PTPRD: variants seen among roughly 807,000 people sequenced by gnomAD.
PTPRD encodes the protein protein tyrosine phosphatase receptor type D.
A neutral mutation model predicts 214.5 loss-of-function variants in PTPRD; 34 were observed. That is an observed-to-expected ratio of 0.16 (90% confidence interval 0.12 to 0.21). PTPRD has a LOEUF of 0.21. Among genes scored for constraint, PTPRD ranks in the 10% least tolerant of loss-of-function variants. The probability of loss-of-function intolerance (pLI) is 1.00; values close to 1 mark genes in which losing one functional copy is unlikely to be tolerated. For synonymous variants in PTPRD, 1,128 were observed against 845.7 expected, an observed-to-expected ratio of 1.33 and a Z score of -5.79; for missense variants, 2,545 against 2,398.7, an observed-to-expected ratio of 1.06 and a Z score of -1.27.
chr9:10,145,361 C>T (rs1043766126), intron 3 of PTPRD, among the ~76,000 whole-genome samples: 6 of 152,080 alleles, frequency 3.9e-5, no homozygotes, highest in African/African-American at 1.4e-4. Flanking sequence ...TACCAGGACC[C>T]ACCTCCCCTC....
intron 10 of PTPRD, among the ~76,000 whole-genome samples, chr9:9,114,527 A>G (rs1396232866): frequency 1.3e-5 from 2 of 152,040 alleles, no homozygotes; most frequent in Non-Finnish European, 2.9e-5. Flanking sequence ...ACACTTTTTA[A>G]CCACATCAAC....
chr9:9,723,254 C>T lies in PTPRD; in HGVS notation c.-287+11279G>A, dbSNP rs546811872. Among the ~76,000 whole-genome samples, 13 of 152,122 alleles carry T rather than the reference C, an allele frequency of 8.5e-5. No homozygotes were observed. The East Asian group carries it at 2.5e-3, about 29-fold the overall frequency. ...TAAGACTATCCAGTTGTCTCAGCACCATTTGCTGGGAATAAAATATTACTT... is the reference window on the plus strand; with the variant it reads ...TAAGACTATCCAGTTGTCTCAGCACTATTTGCTGGGAATAAAATATTACTT... On this transcript the variant is annotated intron_variant, in intron 7 of 45. Coordinates refer to ENST00000381196, the MANE Select transcript of PTPRD (RefSeq NM_002839.4).
intron 7 of PTPRD, among the ~76,000 whole-genome samples, chr9:9,734,155 T>G (rs567091293): frequency 5.9e-5 from 9 of 152,208 alleles, no homozygotes; most frequent in Non-Finnish European, 8.8e-5. Context: ...CAGCTCATCT[T>G]TGGTTTTTAT....
rs115423217 is a variant in PTPRD, at chr9:10,594,759, G to C, written c.-600+17639C>G. 2.6e-5 allele frequency among the ~76,000 whole-genome samples: 4 copies of C among 151,940 alleles called. No homozygotes were observed. The East Asian group carries it at 5.8e-4, about 22-fold the overall frequency. ...ATGAGGTGTCACAAGAAATCTACTG[G>C]TTCAAAGGTGTGTGGTAGGGGCAGC... On this transcript the variant is annotated intron_variant, in intron 2 of 45. Transcript: ENST00000381196.
intron 2 of PTPRD, among the ~76,000 whole-genome samples, chr9:10,406,375 G>A (rs1015143676): frequency 3.3e-5 from 5 of 151,368 alleles, no homozygotes; most frequent in South Asian, 4.1e-4. Flanking sequence ...AATAACAAAC[G>A]AAAATTGAAG....
intron 9 of PTPRD, among the ~76,000 whole-genome samples, chr9:9,204,684 G>A (rs1008496889): frequency 2.6e-5 from 4 of 152,128 alleles, no homozygotes; most frequent in Non-Finnish European, 4.4e-5. Flanking sequence ...TGATGGTCCT[G>A]TTAAATGCAA....
intron 9 of PTPRD, among the ~76,000 whole-genome samples, chr9:9,245,332 C>T (rs139752893): frequency 1.2e-3 from 190 of 152,116 alleles, no homozygotes; most frequent in African/African-American, 4.3e-3. Flanking sequence ...ATGTTTATTG[C>T]GGCACTATTC....
intron 11 of PTPRD, among the ~76,000 whole-genome samples, chr9:8,936,427 C>CAAA (rs1181403459): frequency 1.6e-3 from 52 of 31,522 alleles, no homozygotes; most frequent in South Asian, 0.01. Context: ...ACCCTGCCTC[C>CAAA]AAAAAAAAAA....
intron 8 of PTPRD, among the ~76,000 whole-genome samples, chr9:9,525,885 T>C (rs1488226748): frequency 3.3e-5 from 5 of 152,012 alleles, no homozygotes; most frequent in Admixed American, 2.6e-4. Context: ...TAGGTATTCA[T>C]CCATGTAAGC....
At chr9:10,612,368 A>T (rs1054674055) in intron 2 of PTPRD, 30 bp downstream of exon 2, 13 of 151,094 alleles carry the variant, frequency 8.6e-5, no homozygotes, top group Admixed American at 7.2e-4. Flanking sequence ...CACTTTAGAG[A>T]AAAGAAAGAC....
At chr9:8,670,286 T>G (rs1055261421) in intron 12 of PTPRD, among the ~76,000 whole-genome samples, 5 of 152,086 alleles carry the variant, frequency 3.3e-5, no homozygotes, top group Non-Finnish European at 7.4e-5. Flanking sequence ...TTGTATCCTC[T>G]TGACCTATAT....
intron 5 of PTPRD, among the ~76,000 whole-genome samples, chr9:9,851,637 G>A (rs2060567474): frequency 6.6e-6 from 1 of 152,146 alleles, no homozygotes; most frequent in African/African-American, 2.4e-5. Context: ...TGGGTTAGCT[G>A]GGCGTTGTGG....
At chr9:10,210,635 A>T (rs2099511223) in intron 3 of PTPRD, among the ~76,000 whole-genome samples, 1 of 150,374 alleles carries the variant, frequency 6.7e-6, no homozygotes, top group Non-Finnish European at 1.5e-5. Context: ...TGTAATCTGT[A>T]TATATACATA....
chr9:8,581,464 C>T (rs531075075), intron 14 of PTPRD, among the ~76,000 whole-genome samples: 19 of 151,992 alleles, frequency 1.3e-4, no homozygotes, highest in African/African-American at 3.6e-4. Flanking sequence ...AAAGGGTGGC[C>T]GGGGCCGGGC....
intron 14 of PTPRD, among the ~76,000 whole-genome samples, chr9:8,537,731 C>T (rs999779654): frequency 2.0e-5 from 3 of 151,982 alleles, no homozygotes; most frequent in Non-Finnish European, 2.9e-5. Flanking sequence ...ATGAAATATT[C>T]CTCACATTTT....
At chr9:9,884,219 C>T (rs1331099740) in intron 5 of PTPRD, among the ~76,000 whole-genome samples, 1 of 152,120 alleles carries the variant, frequency 6.6e-6, no homozygotes, top group Non-Finnish European at 1.5e-5. Context: ...AGGGCACCAA[C>T]ATTTGACATT....
intron 33 of PTPRD, among the ~76,000 whole-genome samples, chr9:8,453,664 T>C (rs1200421732): frequency 1.3e-5 from 2 of 152,208 alleles, no homozygotes; most frequent in Non-Finnish European, 2.9e-5. Context: ...GATTTTAGTG[T>C]AAATAATGCA....
intron 4 of PTPRD, among the ~76,000 whole-genome samples, chr9:9,942,892 G>GTT (rs1362017878): frequency 2.6e-5 from 3 of 114,118 alleles, no homozygotes; most frequent in African/African-American, 1.4e-4. Context: ...ATTGCTCTGA[G>GTT]TTGTTTTTTT....
chr9:8,655,315 G>T (rs1230770308), intron 12 of PTPRD, among the ~76,000 whole-genome samples: 1 of 152,284 alleles, frequency 6.6e-6, no homozygotes, highest in Admixed American at 6.5e-5. Flanking sequence ...TTTTATAATT[G>T]TAAGTAGAAT....
Sources: gnomAD v4.1 joint callset for allele counts (sites outside exome capture counted in the v4.1 genomes callset) on GRCh38, gnomAD v4.1.1 for gene constraint, MANE v1.5 for transcripts, NCBI Gene and HGNC (gene_info 2026-07-23, HGNC 2026-07-21) for gene names.